The following NFIC variants were observed in gnomAD, a reference collection of about 807,000 sequenced individuals.
NFIC encodes nuclear factor I C, also known as nuclear factor 1 C-type.
A neutral mutation model predicts 54.4 loss-of-function variants in NFIC; 12 were observed. That is an observed-to-expected ratio of 0.22 (90% CI 0.14 to 0.36). The LOEUF (loss-of-function observed/expected upper bound fraction) is 0.36. NFIC is among the 10% of genes least tolerant of loss of function. The probability of loss-of-function intolerance (pLI) is 1.00; values close to 1 mark genes in which losing one functional copy is unlikely to be tolerated. For missense variants in NFIC, 575 were observed against 718.2 expected, an observed-to-expected ratio of 0.80 and a Z score of 2.28; for synonymous variants, 322 against 319.2, an observed-to-expected ratio of 1.01 and a Z score of -0.09.
chr19:3,456,667 G>T, intron 10 of NFIC, 32 bp downstream of exon 10: 5 of 1,336,672 alleles, frequency 3.7e-6, no homozygotes, highest in Non-Finnish European at 5.2e-6. Context: ...GGTGGGGTGG[G>T]AGGGGCAGGG....
Position 3,463,680 on chromosome 19 carries a change from C to T in NFIC, c.*911C>T. On this transcript the variant is annotated 3_prime_UTR_variant, in exon 11 of 11. Transcript: ENST00000443272. ...CCCCACCTCGCCCGGCTCACACCCCCAAAGGGAGGGACCCACATTGCACAC... is the reference window on the plus strand; with the variant it reads ...CCCCACCTCGCCCGGCTCACACCCCTAAAGGGAGGGACCCACATTGCACAC... The T allele has an allele frequency of 1.0e-6, 1 of 984,502 alleles. No homozygotes were observed. Among genetic ancestry groups the T allele is most frequent in the Non-Finnish European group, 1.2e-6 (1 of 829,496 alleles). 61.0% of individuals were successfully genotyped at this position (984,502 alleles called of 1,614,324 possible). A position where few individuals can be genotyped will look rare whatever the true frequency, so the allele number is the denominator to read the frequency against.
rs1476522809 is a variant in NFIC at position 3,468,197 on chromosome 19, C to G, written c.*5428C>G. ...TTGGGATTCTCCTGCCCCACCCCCC[C>G]GTCCATGGCAGCCCCCTCCCCAAGG... On this transcript the variant is annotated 3_prime_UTR_variant, in exon 11 of 11. Transcript: ENST00000443272. 7 of 147,806 alleles carry G rather than the reference C, an allele frequency of 4.7e-5. No homozygotes were observed. The highest frequency in any genetic ancestry group is 1.4e-4 in the Admixed American group (2 of 14,748). 9.2% of individuals were successfully genotyped at this position (147,806 alleles called of 1,614,324 possible).
chr19:3,454,373 T>C (rs1599723510), intron 9 of NFIC: 1 of 700,618 alleles, frequency 1.4e-6, no homozygotes, highest in East Asian at 1.3e-4. Context: ...TCTGGCTTCT[T>C]GGGGAGAAAG....
intron 1 of NFIC, among the ~76,000 whole-genome samples, chr19:3,379,047 C>T (rs1213186605): frequency 2.0e-5 from 3 of 151,884 alleles, no homozygotes; most frequent in African/African-American, 4.8e-5. Flanking sequence ...CTTTCGTAGT[C>T]ATTTTTTGTT....
At chr19:3,417,841 T>C (rs151194198) in intron 2 of NFIC, among the ~76,000 whole-genome samples, 1,906 of 148,404 alleles carry the variant, frequency 0.013, 50 homozygotes, top group African/African-American at 0.045. Context: ...GGTTTCACCA[T>C]GTTAGCCAGG....
chr19:3,366,262 G>C (rs1378029320), upstream of NFIC, among the ~76,000 whole-genome samples: 1 of 148,744 alleles, frequency 6.7e-6, no homozygotes. Context: ...GTCCTGAGAC[G>C]TCGGGGGAGG....
At chr19:3,417,892 C>G (rs1171973527) in intron 2 of NFIC, among the ~76,000 whole-genome samples, 1 of 148,004 alleles carries the variant, frequency 6.8e-6, no homozygotes, top group African/African-American at 2.5e-5. Flanking sequence ...CCCGCCTCGG[C>G]CTGTCAGAGT....
chr19:3,442,498 A>G (rs999410336), intron 6 of NFIC, among the ~76,000 whole-genome samples: 1 of 150,034 alleles, frequency 6.7e-6, no homozygotes, highest in Admixed American at 6.8e-5. Context: ...CTTCTGCTTC[A>G]GCCTCGCAAA....
intron 2 of NFIC, among the ~76,000 whole-genome samples, chr19:3,396,098 G>C (rs2081458160): frequency 6.6e-6 from 1 of 152,194 alleles, no homozygotes; most frequent in South Asian, 2.1e-4. Flanking sequence ...CGCAAGGAGA[G>C]CAGTTGTGAG....
At chr19:3,377,776 C>G (rs1397542353) in intron 1 of NFIC, among the ~76,000 whole-genome samples, 1 of 151,908 alleles carries the variant, frequency 6.6e-6, no homozygotes, top group African/African-American at 2.4e-5. Context: ...AGCAACTATG[C>G]CCAACTAATT....
chr19:3,407,713 C>T (rs905032131), intron 2 of NFIC, among the ~76,000 whole-genome samples: 12 of 152,154 alleles, frequency 7.9e-5, no homozygotes, highest in Non-Finnish European at 1.3e-4. Context: ...GGATTACAGA[C>T]GTGAGCCACC....
rs1381253788 is a variant in NFIC, at chr19:3,463,559, GA to G, written c.*791del. The G allele has an allele frequency of 1.0e-6, 1 of 984,936 alleles. No individual in the cohort carries two copies. Among genetic ancestry groups the G allele is most frequent in the African/African-American group, 1.8e-5 (1 of 57,094 alleles). 61.0% of individuals were successfully genotyped at this position (984,936 alleles called of 1,614,324 possible). On this transcript the variant is annotated 3_prime_UTR_variant, in exon 11 of 11. Transcript: ENST00000443272. The stretch of plus-strand genomic sequence containing the variant: ...CCGGCCGACTCGCTGTCTCGCTGGG[GA>G]CTCTTTCAGCCCTCGCGCCCGCCCG...
At chr19:3,425,866 T>C (rs911530295) in intron 3 of NFIC, among the ~76,000 whole-genome samples, 1 of 148,806 alleles carries the variant, frequency 6.7e-6, no homozygotes, top group Non-Finnish European at 1.5e-5. Flanking sequence ...GCGATCCTCC[T>C]GCCTTAGCCT....
chr19:3,378,357 A>C (rs2081144062), intron 1 of NFIC, among the ~76,000 whole-genome samples: 1 of 152,094 alleles, frequency 6.6e-6, no homozygotes, highest in African/African-American at 2.4e-5. Flanking sequence ...CAGCCTCCCA[A>C]AGTTCTGGGA....
At chr19:3,408,425 G>A (rs1032304635) in intron 2 of NFIC, among the ~76,000 whole-genome samples, 33 of 151,982 alleles carry the variant, frequency 2.2e-4, no homozygotes, top group Non-Finnish European at 8.8e-5. Flanking sequence ...TGCTTTAACT[G>A]TGGTGAGACA....
intron 6 of NFIC, among the ~76,000 whole-genome samples, chr19:3,441,934 A>G (rs2082300293): frequency 1.3e-5 from 2 of 150,356 alleles, no homozygotes; most frequent in Admixed American, 6.6e-5. Flanking sequence ...GACAGCCCCC[A>G]ATTAGCCACT....
rs541157387 is a variant in NFIC at position 3,459,625 on chromosome 19, C to T, written c.1509+2990C>T. Reference sequence around the variant, plus strand: ...GTTGAGGGTGCCCCCACCCCACCCCCGCCCCATTGCTGGGGCCACAGCCAG... The same window carrying T: ...GTTGAGGGTGCCCCCACCCCACCCCTGCCCCATTGCTGGGGCCACAGCCAG... On this transcript the variant is annotated intron_variant, in intron 10 of 10. Coordinates refer to ENST00000443272, the MANE Select transcript of NFIC (RefSeq NM_001245002.2). This position sits in a 1 kb window ranked among gnomAD's most constrained non-coding sequence, Gnocchi z 4.2. 4.6e-5 allele frequency among the ~76,000 whole-genome samples: 7 copies of T among 152,300 alleles called. No homozygotes were observed. In the South Asian group the frequency reaches 1.2e-3, roughly 27 times the overall value.
intron 2 of NFIC, among the ~76,000 whole-genome samples, chr19:3,385,573 G>GTTTTTTTTTT (rs569020735): frequency 9.2e-6 from 1 of 109,276 alleles, no homozygotes; most frequent in Admixed American, 9.3e-5. Flanking sequence ...GGTTGTTGTT[G>GTTTTTTTTTT]TTTTTTTTTT....
intron 6 of NFIC, among the ~76,000 whole-genome samples, chr19:3,440,763 CG>C (rs1205655273): frequency 6.6e-6 from 1 of 152,024 alleles, no homozygotes; most frequent in African/African-American, 2.4e-5. Context: ...TCAGGTGATC[CG>C]CCCGCCTCGG....
Sources: allele counts gnomAD v4.1 joint callset (sites outside exome capture counted in the v4.1 genomes callset), GRCh38; gene constraint gnomAD v4.1.1; non-coding constraint Gnocchi (gnomAD v3.1); transcripts MANE v1.5; gene names NCBI Gene and HGNC (gene_info 2026-07-23, HGNC 2026-07-21).